Variants in PDE1C observed in about 807,000 individuals in gnomAD.
PDE1C encodes dual specificity calcium/calmodulin-dependent 3',5'-cyclic nucleotide phosphodiesterase 1C.
In PDE1C, 62 loss-of-function variants were observed where a neutral mutation model predicts 93.1. That is an observed-to-expected ratio of 0.67 (90% CI 0.54 to 0.82). The LOEUF (loss-of-function observed/expected upper bound fraction) is 0.82. Among genes scored for constraint, PDE1C ranks in the 40% least tolerant of loss-of-function variants. The probability of loss-of-function intolerance (pLI) is 0.00; values close to 1 mark genes in which losing one functional copy is unlikely to be tolerated. For synonymous variants in PDE1C, 325 were observed against 310.1 expected (o/e 1.05, Z -0.50); for missense variants, 742 against 884.6 (o/e 0.84, Z 2.04).
intron 2 of PDE1C, among the ~76,000 whole-genome samples, chr7:31,952,876 C>T (rs545079978): frequency 9.2e-5 from 14 of 152,162 alleles, no homozygotes; most frequent in African/African-American, 3.4e-4. Context: ...AAGACAATGC[C>T]AACCATCTAA....
intron 1 of PDE1C, among the ~76,000 whole-genome samples, chr7:32,420,989 G>A (rs528261216): frequency 2.0e-5 from 3 of 152,190 alleles, no homozygotes; most frequent in Admixed American, 1.3e-4. Context: ...GTCTATCCAT[G>A]AGCAAGTCAC....
At chr7:32,075,812 G>A (rs1796317794), upstream of PDE1C, among the ~76,000 whole-genome samples, 1 of 152,142 alleles carries the variant, frequency 6.6e-6, no homozygotes, top group African/African-American at 2.4e-5. Context: ...TCTCTGCCAG[G>A]ATCCTTCAGT....
intron 1 of PDE1C, among the ~76,000 whole-genome samples, chr7:32,343,498 A>T (rs149249281): frequency 6.6e-6 from 1 of 152,212 alleles, no homozygotes; most frequent in African/African-American, 2.4e-5. Context: ...TCCAAGCTTC[A>T]TCTGCCAAAC....
In PDE1C at chr7:32,222,102, G is replaced by A. The variant is rs373608553; in HGVS notation, c.86-12563C>T. ...ACTTTGAGCTCATGAGATCTAGCAT[G>A]TATATACACGCACACACACAAATGC... On this transcript the variant is annotated intron_variant, in intron 1 of 18. Transcript: ENST00000396193. Among the ~76,000 whole-genome samples, 16 of 152,236 alleles carry A rather than the reference G, an allele frequency of 1.1e-4. No homozygotes were observed. The East Asian group carries it at 2.9e-3, about 28-fold the overall frequency.
chr7:32,226,145 G>A (rs1807250300), intron 1 of PDE1C, among the ~76,000 whole-genome samples: 2 of 152,200 alleles, frequency 1.3e-5, no homozygotes, highest in South Asian at 4.1e-4. Context: ...ATAACACAGA[G>A]TAGTGATGGA....
At chr7:31,742,230 T>C in the PDE1C span, among the ~76,000 whole-genome samples, 1 of 152,252 alleles carries the variant, frequency 6.6e-6, no homozygotes, top group East Asian at 1.9e-4. Context: ...TTCCACTTGC[T>C]CATGAAGACC....
chr7:32,054,842 T>G (rs2128695557), intron 1 of PDE1C, among the ~76,000 whole-genome samples: 1 of 152,300 alleles, frequency 6.6e-6, no homozygotes, highest in African/African-American at 2.4e-5. Flanking sequence ...AAAATGCAAC[T>G]CATAAAAATT....
At chr7:31,630,262 A>AC in the PDE1C span, among the ~76,000 whole-genome samples, 4 of 150,902 alleles carry the variant, frequency 2.7e-5, no homozygotes, top group Non-Finnish European at 4.4e-5. Context: ...AAAAAAAAAA[A>AC]CATTGAAAAT....
At chr7:31,766,139 C>G (rs1795129856) in intron 17 of PDE1C, among the ~76,000 whole-genome samples, 1 of 152,104 alleles carries the variant, frequency 6.6e-6, no homozygotes, top group Non-Finnish European at 1.5e-5. Flanking sequence ...AATCTCAGCA[C>G]TTTGGGAGGC....
At chr7:31,985,674 T>C (rs1783296349) in intron 2 of PDE1C, among the ~76,000 whole-genome samples, 1 of 152,084 alleles carries the variant, frequency 6.6e-6, no homozygotes. Context: ...ATGTGGTGGT[T>C]GGTTTTCTGT....
intron 1 of PDE1C, among the ~76,000 whole-genome samples, chr7:32,233,499 A>G (rs909825233): frequency 6.6e-6 from 1 of 152,112 alleles, no homozygotes; most frequent in Non-Finnish European, 1.5e-5. Context: ...AAATTATACC[A>G]TGCAAACATC....
intron 2 of PDE1C, among the ~76,000 whole-genome samples, chr7:32,183,950 T>C: frequency 6.6e-6 from 1 of 151,862 alleles, no homozygotes; most frequent in Non-Finnish European, 1.5e-5. Context: ...CAAACAAATT[T>C]ACAAGAAAAA....
At chr7:32,097,243 T>C (rs1052554213) in intron 3 of PDE1C, among the ~76,000 whole-genome samples, 1 of 152,216 alleles carries the variant, frequency 6.6e-6, no homozygotes, top group East Asian at 1.9e-4. Flanking sequence ...ACAGAGTCAG[T>C]ACAGTATTTG....
intron 1 of PDE1C, among the ~76,000 whole-genome samples, chr7:32,263,364 T>C (rs1022239252): frequency 1.3e-5 from 2 of 152,100 alleles, no homozygotes; most frequent in African/African-American, 2.4e-5. Flanking sequence ...TGTGTGTGTG[T>C]CTGTGTGTCT....
intron 2 of PDE1C, among the ~76,000 whole-genome samples, chr7:31,986,644 C>G (rs1458996448): frequency 6.6e-6 from 1 of 151,956 alleles, no homozygotes; most frequent in Non-Finnish European, 1.5e-5. Context: ...AGGAAGAGAC[C>G]TGAGTGATGA....
intron 16 of PDE1C, among the ~76,000 whole-genome samples, chr7:31,781,691 AC>A (rs1020913601): frequency 1.1e-4 from 12 of 106,254 alleles, no homozygotes; most frequent in Admixed American, 4.6e-4. Flanking sequence ...TCAACGCCCC[AC>A]CCCCCACCCC....
chr7:32,302,319 C>A (rs540603733), upstream of PDE1C, among the ~76,000 whole-genome samples: 30 of 152,240 alleles, frequency 2.0e-4, no homozygotes, highest in Non-Finnish European at 2.9e-4. Context: ...TTCTAACAAA[C>A]AAGGGAAACA....
At chr7:32,219,621 G>C (rs987796592) in intron 1 of PDE1C, among the ~76,000 whole-genome samples, 1 of 152,140 alleles carries the variant, frequency 6.6e-6, no homozygotes, top group African/African-American at 2.4e-5. Context: ...GTGATGTCCT[G>C]GGTGGCCCAG....
chr7:32,149,377 C>T (rs1218980199), intron 3 of PDE1C, among the ~76,000 whole-genome samples: 1 of 152,154 alleles, frequency 6.6e-6, no homozygotes, highest in East Asian at 1.9e-4. Flanking sequence ...AATTATTAGC[C>T]AGAACACCTC....
Sources: allele counts gnomAD v4.1 joint callset (sites outside exome capture counted in the v4.1 genomes callset), GRCh38; gene constraint gnomAD v4.1.1; transcripts MANE v1.5; gene names NCBI Gene and HGNC (gene_info 2026-07-23, HGNC 2026-07-21).